The following PPP2R3A variants were observed in gnomAD, a reference collection of about 807,000 sequenced individuals.
The protein encoded by PPP2R3A is serine/threonine-protein phosphatase 2A regulatory subunit B'' subunit alpha.
PPP2R3A carries 80 observed loss-of-function variants against 106.9 expected under a neutral mutation model. The observed-to-expected ratio is 0.75, with a 90% CI of 0.62 to 0.90. PPP2R3A has a LOEUF of 0.90. Among genes scored for constraint, PPP2R3A ranks in the 40% least tolerant of loss-of-function variants. PPP2R3A has a pLI of 0.00. For missense variants in PPP2R3A, 1,386 were observed against 1,350.4 expected, an observed-to-expected ratio of 1.03 and a Z score of -0.41; for synonymous variants, 483 against 468.3, an observed-to-expected ratio of 1.03 and a Z score of -0.41.
At chr3:136,026,765 G>A (rs1426932594) in intron 2 of PPP2R3A, 67 bp from the exon 3 acceptor site, 5 of 1,429,196 alleles carry the variant, frequency 3.5e-6, no homozygotes, top group South Asian at 2.8e-5. Context: ...TATATTGCTG[G>A]TGAGAATTTT....
At chr3:136,079,862 C>T (rs1367089974) in intron 7 of PPP2R3A, among the ~76,000 whole-genome samples, 1 of 151,910 alleles carries the variant, frequency 6.6e-6, no homozygotes, top group East Asian at 1.9e-4. Flanking sequence ...TGTTCTGCTT[C>T]CTAGAGCATG....
In PPP2R3A at chr3:136,087,880, T is replaced by G. The variant is rs750774357; in HGVS notation, c.2789-3T>G. 2.5e-6 allele frequency: 4 copies of G among 1,608,138 alleles called. No homozygotes were observed. Among genetic ancestry groups the G allele is most frequent in the Non-Finnish European group, 3.4e-6 (4 of 1,175,728 alleles). On this transcript the variant is annotated splice_polypyrimidine_tract_variant and splice_region_variant and intron_variant, in intron 8 of 13. Coordinates refer to ENST00000264977, the MANE Select transcript of PPP2R3A (RefSeq NM_002718.5). Reference sequence around the variant, plus strand: ...TTGCAATTTTTTTTTTATCTACATTTAGCTTCATCAAGCAGGATTATTGAA... The same window carrying G: ...TTGCAATTTTTTTTTTATCTACATTGAGCTTCATCAAGCAGGATTATTGAA...
At chr3:135,993,812 A>C (rs1933274943) in intron 1 of PPP2R3A, among the ~76,000 whole-genome samples, 2 of 152,234 alleles carry the variant, frequency 1.3e-5, no homozygotes, top group Admixed American at 6.5e-5. Flanking sequence ...TCTCGAAACT[A>C]AGTGCTAAAT....
intron 3 of PPP2R3A, among the ~76,000 whole-genome samples, chr3:136,036,797 C>T (rs114143983): frequency 0.032 from 4,865 of 152,330 alleles, 266 homozygotes; most frequent in African/African-American, 0.11. Context: ...CCATGATCCC[C>T]TCAGTCCTCA....
In PPP2R3A at chr3:136,001,523, GT is replaced by G. The variant is rs1933619981; in HGVS notation, c.27del (p.Ser10ValfsTer3). 1 of 1,614,124 alleles carries G rather than the reference GT, an allele frequency of 6.2e-7. No homozygotes were observed. Among genetic ancestry groups the G allele is most frequent in the Non-Finnish European group, 8.5e-7 (1 of 1,179,986 alleles). MAATYRLV[V>X]STVNHYSSVV... Reference sequence around the variant, plus strand: ...TATGGCAGCAACTTACAGACTTGTGGTTAGTACTGTGAACCACTACAGCAGC... The same window carrying G: ...TATGGCAGCAACTTACAGACTTGTGGTAGTACTGTGAACCACTACAGCAGC... On this transcript the variant is annotated frameshift_variant, in exon 2 of 14. Coordinates refer to ENST00000264977, the MANE Select transcript of PPP2R3A (RefSeq NM_002718.5). LOFTEE classifies it high-confidence loss of function.
chr3:135,999,443 A>G (rs1270796761), intron 1 of PPP2R3A, among the ~76,000 whole-genome samples: 1 of 152,220 alleles, frequency 6.6e-6, no homozygotes, highest in African/African-American at 2.4e-5. Context: ...CATGTCTAAG[A>G]TTCCATCTAG....
At chr3:136,087,245 GTCTCTCTCTCTCTCTCTCTCTCTCTC>G (rs34566151) in intron 8 of PPP2R3A, among the ~76,000 whole-genome samples, 9 of 75,126 alleles carry the variant, frequency 1.2e-4, no homozygotes, top group South Asian at 8.6e-4. Context: ...CTCTAGTCGT[GTCTCTCTCTCTCTCTCTCTCTCTCTC>G]TCTCTCTCTC....
At chr3:136,128,852 G>A (rs1322993061) in intron 13 of PPP2R3A, among the ~76,000 whole-genome samples, 1 of 152,098 alleles carries the variant, frequency 6.6e-6, no homozygotes, top group Non-Finnish European at 1.5e-5. Context: ...CTAGAACTCA[G>A]GATTAAGAAA....
chr3:136,014,312 T>C (rs906184494), intron 2 of PPP2R3A, among the ~76,000 whole-genome samples: 2 of 152,184 alleles, frequency 1.3e-5, no homozygotes, highest in Non-Finnish European at 2.9e-5. Flanking sequence ...TCTTTTTTGG[T>C]TCCATATAAA....
chr3:136,025,151 C>T (rs1210369597), intron 2 of PPP2R3A, among the ~76,000 whole-genome samples: 1 of 152,162 alleles, frequency 6.6e-6, no homozygotes, highest in Non-Finnish European at 1.5e-5. Context: ...CAGCACTGTT[C>T]TAAACCTTTT....
At position 136,082,799 on chromosome 3, in the gene PPP2R3A, C is replaced by T. The variant is rs1020350495; in HGVS notation, c.2788+378C>T. Among the ~76,000 whole-genome samples the T allele has an allele frequency of 1.8e-4, 27 of 152,076 alleles. 1 individual carries two copies. Among genetic ancestry groups the T allele is most frequent in the Non-Finnish European group, 1.8e-4 (12 of 67,992 alleles). ...ACTTAACAATATTTCTGTAAAAAGC[C>T]AAGCATGAAAATAATGTTTTTAACT... On this transcript the variant is annotated intron_variant, in intron 8 of 13. Coordinates refer to ENST00000264977, the MANE Select transcript of PPP2R3A (RefSeq NM_002718.5).
At chr3:136,130,588 A>T (rs1346325991) in intron 13 of PPP2R3A, among the ~76,000 whole-genome samples, 1 of 152,158 alleles carries the variant, frequency 6.6e-6, no homozygotes, top group Non-Finnish European at 1.5e-5. Context: ...TACTGCCCAA[A>T]GTAATTTATA....
At position 136,040,848 on chromosome 3, in the gene PPP2R3A, TC is replaced by T; in HGVS notation, c.2263-10del. 6.2e-7 allele frequency: 1 copy of T among 1,608,108 alleles called. No individual in the cohort carries two copies. On this transcript the variant is annotated splice_polypyrimidine_tract_variant and intron_variant, in intron 3 of 13. Coordinates refer to ENST00000264977, the MANE Select transcript of PPP2R3A (RefSeq NM_002718.5). ...CTGTTGGCTTACCCTGTATGTGTTT[TC>T]TATTTGCAGGTCTGTGGCTGTCCTC...
At position 136,082,292 on chromosome 3, in the gene PPP2R3A, G is replaced by A; in HGVS notation, c.2659G>A (p.Asp887Asn). ...QTLALLEEEE[D>N]INQITDYFSY... ...CCTAGCACTTTTGGAAGAAGAGGAA[G>A]ATATAAACCAAATTACAGATTACTT... Residue 887 changes from aspartate to asparagine, a missense_variant, in exon 8 of 14, where the codon GAT becomes AAT. Physicochemically the swap from Asp to Asn is conservative, Grantham distance 23. Coordinates refer to ENST00000264977, the MANE Select transcript of PPP2R3A (RefSeq NM_002718.5). 1.3e-6 allele frequency: 2 copies of A among 1,593,038 alleles called. No homozygotes were observed. Among genetic ancestry groups the A allele is most frequent in the Non-Finnish European group, 1.7e-6 (2 of 1,161,074 alleles).
chr3:136,140,095 C>T (rs1938797665), intron 13 of PPP2R3A, among the ~76,000 whole-genome samples: 1 of 151,710 alleles, frequency 6.6e-6, no homozygotes, highest in South Asian at 2.1e-4. Flanking sequence ...CTGCTTTAAT[C>T]CTCTGACCCC....
intron 4 of PPP2R3A, among the ~76,000 whole-genome samples, chr3:136,041,637 A>G (rs1935292310): frequency 6.6e-6 from 1 of 150,650 alleles, no homozygotes; most frequent in Non-Finnish European, 1.5e-5. Flanking sequence ...GGGGCAAATC[A>G]GATGTGTCAC....
chr3:135,966,199 C>G (rs1406181067), intron 1 of PPP2R3A, among the ~76,000 whole-genome samples: 1 of 152,292 alleles, frequency 6.6e-6, no homozygotes, highest in East Asian at 1.9e-4. Flanking sequence ...GCCAGTTCGC[C>G]CGCACAGCCC....
At chr3:136,144,333 G>A (rs1322410170) in intron 13 of PPP2R3A, among the ~76,000 whole-genome samples, 2 of 152,156 alleles carry the variant, frequency 1.3e-5, no homozygotes, top group African/African-American at 2.4e-5. Flanking sequence ...TGGAAGCCAC[G>A]GAGGGAAGCT....
intron 4 of PPP2R3A, among the ~76,000 whole-genome samples, chr3:136,047,436 G>A (rs1221419877): frequency 1.3e-5 from 2 of 152,182 alleles, no homozygotes; most frequent in Non-Finnish European, 2.9e-5. Context: ...ATGTGGTACA[G>A]GTACACCATG....
Sources: gnomAD v4.1 joint callset for allele counts (sites outside exome capture counted in the v4.1 genomes callset) on GRCh38, gnomAD v4.1.1 for gene constraint, MANE v1.5 for transcripts, NCBI Gene and HGNC (gene_info 2026-07-23, HGNC 2026-07-21) for gene names.